Variants in DLC1 observed in about 807,000 individuals in gnomAD.
The protein encoded by DLC1 is rho GTPase-activating protein 7.
Under a neutral mutation model 140.3 loss-of-function variants are expected in DLC1, and 54 were observed. The ratio of observed to expected loss-of-function variants is 0.38; its 90% CI spans 0.31 to 0.48. DLC1 has a LOEUF of 0.48. DLC1 is among the 20% of genes least tolerant of loss of function. The probability of loss-of-function intolerance (pLI) is 0.96; values close to 1 mark genes in which losing one functional copy is unlikely to be tolerated. For missense variants in DLC1, 2,536 were observed against 1,907.0 expected, an observed-to-expected ratio of 1.33 and a Z score of -6.14; for synonymous variants, 986 against 728.1, an observed-to-expected ratio of 1.35 and a Z score of -5.70.
intron 5 of DLC1, among the ~76,000 whole-genome samples, chr8:13,299,540 T>A (rs1376799906): frequency 6.8e-6 from 1 of 147,782 alleles, no homozygotes; most frequent in African/African-American, 2.5e-5. Flanking sequence ...TATCTCCGCC[T>A]ATCATCTGGT....
intron 5 of DLC1, among the ~76,000 whole-genome samples, chr8:13,125,137 C>T (rs1244711028): frequency 2.6e-5 from 4 of 152,022 alleles, no homozygotes; most frequent in East Asian, 1.9e-4. Context: ...CGACCACACC[C>T]GGGTAATTTT....
At chr8:13,298,799 C>G (rs1396019440) in intron 5 of DLC1, among the ~76,000 whole-genome samples, 2 of 152,114 alleles carry the variant, frequency 1.3e-5, no homozygotes, top group African/African-American at 4.8e-5. Flanking sequence ...AAGCTGGACC[C>G]CAAACATCTG....
At chr8:13,430,215 C>G (rs1215290994) in intron 2 of DLC1, among the ~76,000 whole-genome samples, 1 of 152,152 alleles carries the variant, frequency 6.6e-6, no homozygotes, top group Non-Finnish European at 1.5e-5. Flanking sequence ...TGTTGAAAGG[C>G]AAATTCCCTT....
chr8:13,489,352 G>C lies in DLC1; in HGVS notation c.1023+9697C>G, dbSNP rs564252395. 9.3e-4 allele frequency among the ~76,000 whole-genome samples: 116 copies of C among 125,012 alleles called. 1 individual carries two copies. Among genetic ancestry groups the C allele is most frequent in the African/African-American group, 3.7e-3 (115 of 31,168 alleles). 82.0% of individuals were successfully genotyped at this position (125,012 alleles called of 152,430 possible). A position where few individuals can be genotyped will look rare whatever the true frequency, so the allele number is the denominator to read the frequency against. ...TGTCAGTCCCCGCCCCCGGCCCCGA[G>C]ATTTTTCTAAGAAACTCTCAGATCT... On this transcript the variant is annotated intron_variant, in intron 2 of 17. Transcript: ENST00000276297.
At chr8:13,372,663 T>C (rs1729168) in intron 4 of DLC1, among the ~76,000 whole-genome samples, 79,671 of 151,812 alleles carry the variant, frequency 0.52, 21,776 homozygotes, top group East Asian at 0.82. Context: ...TCCTCATCTT[T>C]GTGAGTAAAA....
In DLC1 at chr8:13,115,610, G is replaced by T; in HGVS notation, c.1396C>A (p.Pro466Thr). The change falls in exon 6 of 18, where the codon CCC becomes ACC. Residue 466 changes from proline (P) to threonine (T), a missense_variant. Coordinates refer to ENST00000276297, the MANE Select transcript of DLC1 (RefSeq NM_182643.3). The stretch of plus-strand genomic sequence containing the variant: ...CCTTCATAAAGCTGTGCATACTGGG[G>T]GAAACCAGTTGCCCGTAGCCAATCA... Reference protein sequence around the residue: ...ACDWLRATGFPQYAQLYEDFL... With the variant: ...ACDWLRATGFTQYAQLYEDFL... 1 of 1,613,960 alleles carries T rather than the reference G, an allele frequency of 6.2e-7. No homozygotes were observed. Among genetic ancestry groups the T allele is most frequent in the Non-Finnish European group, 8.5e-7 (1 of 1,179,940 alleles).
chr8:13,086,529 T>A, intron 16 of DLC1, 66 bp from the exon 17 acceptor site: 1 of 1,565,866 alleles, frequency 6.4e-7, no homozygotes, highest in Non-Finnish European at 8.7e-7. Context: ...AAATCGTGCT[T>A]CACTCTTCAC....
At chr8:13,562,095 C>G (rs1239620241) in intron 1 of DLC1, among the ~76,000 whole-genome samples, 1 of 151,772 alleles carries the variant, frequency 6.6e-6, no homozygotes, top group African/African-American at 2.4e-5. Context: ...TTACAGAACC[C>G]ATATATGTGT....
intron 1 of DLC1, among the ~76,000 whole-genome samples, chr8:13,530,968 G>A (rs1157422235): frequency 1.3e-5 from 2 of 152,144 alleles, no homozygotes; most frequent in Non-Finnish European, 2.9e-5. Flanking sequence ...ATTTGGAGAT[G>A]ATGCATTTGG....
chr8:13,204,183 A>G (rs895356104), intron 5 of DLC1, among the ~76,000 whole-genome samples: 1 of 152,202 alleles, frequency 6.6e-6, no homozygotes, highest in Admixed American at 6.5e-5. Flanking sequence ...CATTAGGTCT[A>G]GTAATCTCCA....
chr8:13,093,138 T>C (rs531361644), intron 12 of DLC1, among the ~76,000 whole-genome samples: 38 of 104,594 alleles, frequency 3.6e-4, no homozygotes, highest in African/African-American at 9.3e-4. Context: ...GTTTTTTCTT[T>C]CCTAAGCATG....
intron 5 of DLC1, among the ~76,000 whole-genome samples, chr8:13,215,601 T>C (rs1384902362): frequency 1.3e-5 from 2 of 151,640 alleles, no homozygotes; most frequent in Non-Finnish European, 2.9e-5. Flanking sequence ...CAAAAACAAA[T>C]ATTAAATGTG....
chr8:13,362,944 A>G (rs1835304186), intron 4 of DLC1, among the ~76,000 whole-genome samples: 1 of 152,038 alleles, frequency 6.6e-6, no homozygotes, highest in South Asian at 2.1e-4. Context: ...GTTACTCCCC[A>G]CATCTCTGTT....
intron 1 of DLC1, chr8:13,559,436 A>G (rs1038086829): frequency 2.6e-5 from 4 of 152,248 alleles, no homozygotes; most frequent in African/African-American, 7.2e-5. Context: ...TCCATTTATG[A>G]CATTAGCTCT....
At chr8:13,216,618 T>C (rs1175665653) in intron 5 of DLC1, among the ~76,000 whole-genome samples, 1 of 152,166 alleles carries the variant, frequency 6.6e-6, no homozygotes. Flanking sequence ...AGCTCCAGCA[T>C]GCAATCACCT....
chr8:13,443,753 A>C (rs1585117521), intron 2 of DLC1, among the ~76,000 whole-genome samples: 1 of 152,212 alleles, frequency 6.6e-6, no homozygotes, highest in African/African-American at 2.4e-5. Flanking sequence ...CTCTGTTACA[A>C]TACTTTCCCC....
chr8:13,251,094 C>T (rs990016897), intron 5 of DLC1, among the ~76,000 whole-genome samples: 15 of 152,120 alleles, frequency 9.9e-5, no homozygotes, highest in African/African-American at 3.1e-4. Context: ...AGACAGCCAC[C>T]TTCTTGTCTT....
chr8:13,602,975 T>G (rs1429796615), intron 1 of DLC1, among the ~76,000 whole-genome samples: 1 of 151,944 alleles, frequency 6.6e-6, no homozygotes, highest in African/African-American at 2.4e-5. Flanking sequence ...GGTTGAAAAC[T>G]TATTTTGGAT....
intron 5 of DLC1, among the ~76,000 whole-genome samples, chr8:13,297,281 T>TAAAAAAAAAAAAAAAAAAAAA (rs1563233158): frequency 5.2e-3 from 1 of 192 alleles, no homozygotes; most frequent in Non-Finnish European, 0.015. Flanking sequence ...CCTTCATACA[T>TAAAAAAAAAAAAAAAAAAAAA]TAAAAAAAAA....
Sources: gnomAD v4.1 joint callset for allele counts (sites outside exome capture counted in the v4.1 genomes callset) on GRCh38, gnomAD v4.1.1 for gene constraint, MANE v1.5 for transcripts, NCBI Gene and HGNC (gene_info 2026-07-23, HGNC 2026-07-21) for gene names.